The following PID1 variants were observed in gnomAD, a reference collection of about 807,000 sequenced individuals.
PID1 encodes PTB-containing, cubilin and LRP1-interacting protein.
In PID1, 10 loss-of-function variants were observed where a neutral mutation model predicts 19.1. The ratio of observed to expected loss-of-function variants is 0.52; its 90% CI spans 0.32 to 0.89. PID1 has a LOEUF of 0.89. PID1 is among the 40% of genes least tolerant of loss of function. The probability of loss-of-function intolerance (pLI) is 0.03; values close to 1 mark genes in which losing one functional copy is unlikely to be tolerated. For synonymous variants in PID1, 130 were observed against 116.0 expected (o/e 1.12, Z -0.78); for missense variants, 248 against 285.3 (o/e 0.87, Z 0.94).
At chr2:229,270,903 T>C in intron 1 of PID1, 111 bp downstream of exon 1, 1 of 951,438 alleles carries the variant, frequency 1.1e-6, no homozygotes, top group Middle Eastern at 2.3e-4. Flanking sequence ...CGATGCGTCT[T>C]ACAAGATGGT....
At chr2:229,082,421 AAG>A (rs1365039711) in intron 2 of PID1, among the ~76,000 whole-genome samples, 2 of 152,270 alleles carry the variant, frequency 1.3e-5, no homozygotes, top group Non-Finnish European at 2.9e-5. Flanking sequence ...CACACAGTGA[AAG>A]AGAGTTGCCA....
In PID1 at chr2:229,051,746, G is replaced by C. The variant is rs143971473; in HGVS notation, c.178-25638C>G. Among the ~76,000 whole-genome samples, 1,273 of 152,308 alleles carry C rather than the reference G, an allele frequency of 8.4e-3. 63 individuals are homozygous for C. The highest frequency in any genetic ancestry group is 0.079 in the Admixed American group (1,201 of 15,282). ...ATGAGGTAACATGCATAAAAAGTCA[G>C]CATCACGTCTGCCTCATTGTAAAGT... On this transcript the variant is annotated intron_variant, in intron 2 of 2. Coordinates refer to ENST00000392055, the MANE Select transcript of PID1 (RefSeq NM_001100818.2).
Position 229,058,232 on chromosome 2 carries a change from C to T in PID1, c.178-32124G>A, listed in dbSNP as rs146954774. ...CTGCTCAGAAAAATCAATAAAAACA[C>T]AACCAGCAGTTTTACTGACAGCTTT... On this transcript the variant is annotated intron_variant, in intron 2 of 2. Coordinates refer to ENST00000392055, the MANE Select transcript of PID1 (RefSeq NM_001100818.2). 4.1e-3 allele frequency among the ~76,000 whole-genome samples: 628 copies of T among 152,324 alleles called. 2 individuals are homozygous for T. Among genetic ancestry groups the T allele is most frequent in the Non-Finnish European group, 7.0e-3 (474 of 68,032 alleles).
intron 2 of PID1, among the ~76,000 whole-genome samples, chr2:229,136,132 G>A (rs1012317954): frequency 1.3e-5 from 2 of 152,166 alleles, no homozygotes; most frequent in Non-Finnish European, 2.9e-5. Context: ...CACGTTTTGA[G>A]TTGCTCCAGG....
chr2:229,222,489 T>C (rs1039199831), intron 1 of PID1, among the ~76,000 whole-genome samples: 1 of 152,204 alleles, frequency 6.6e-6, no homozygotes, highest in African/African-American at 2.4e-5. Flanking sequence ...ACACAGACTG[T>C]AAGAGTTAAT....
At chr2:229,263,914 C>T (rs1227008) in intron 1 of PID1, among the ~76,000 whole-genome samples, 36,125 of 152,016 alleles carry the variant, frequency 0.24, 5,487 homozygotes, top group East Asian at 0.67. Context: ...AAGGTGGCTG[C>T]TATTGTTATT....
chr2:229,154,765 T>C lies in PID1; in HGVS notation c.177+1053A>G, dbSNP rs186167734. ...TACAAAGCTATGAAAGAAATCCATA[T>C]ACAAAAGCACTTTCCTTGTCTCTGA... is the stretch of plus-strand genomic sequence containing the variant. On this transcript the variant is annotated intron_variant, in intron 2 of 2. Coordinates refer to ENST00000392055, the MANE Select transcript of PID1 (RefSeq NM_001100818.2). Among the ~76,000 whole-genome samples the C allele has an allele frequency of 1.1e-4, 16 of 152,326 alleles. 1 individual carries two copies. Among genetic ancestry groups the C allele is most frequent in the Admixed American group, 6.5e-5 (1 of 15,308 alleles).
At chr2:229,197,451 T>C (rs114527513) in intron 1 of PID1, among the ~76,000 whole-genome samples, 2,648 of 152,116 alleles carry the variant, frequency 0.017, 68 homozygotes, top group African/African-American at 0.059. Flanking sequence ...AAAGAGAAGA[T>C]ACATTATACA....
At chr2:229,143,475 G>C (rs1219738689) in intron 2 of PID1, among the ~76,000 whole-genome samples, 2 of 152,090 alleles carry the variant, frequency 1.3e-5, no homozygotes, top group Non-Finnish European at 2.9e-5. Flanking sequence ...GAACTGTTAA[G>C]AAACAAGAGT....
chr2:229,164,724 G>A (rs2106204098), intron 1 of PID1, among the ~76,000 whole-genome samples: 1 of 152,252 alleles, frequency 6.6e-6, no homozygotes, highest in African/African-American at 2.4e-5. Context: ...AAACAAATGA[G>A]GTAAGATGTA....
intron 2 of PID1, among the ~76,000 whole-genome samples, chr2:229,135,857 C>A (rs531102584): frequency 6.6e-6 from 1 of 152,188 alleles, no homozygotes; most frequent in East Asian, 1.9e-4. Context: ...TCAATTTGTG[C>A]TTGTTGATTA....
intron 2 of PID1, among the ~76,000 whole-genome samples, chr2:229,107,071 A>G (rs144378527): frequency 1.8e-4 from 27 of 152,292 alleles, no homozygotes; most frequent in African/African-American, 6.0e-4. Flanking sequence ...GGAAGGACCT[A>G]TGGGGATGGA....
rs12620520 is a variant in PID1 at position 229,167,721 on chromosome 2, A to G, written c.31-11757T>C. On this transcript the variant is annotated intron_variant, in intron 1 of 2. Transcript: ENST00000392055. ...TAAAATTACAAAATAGTATTTTACC[A>G]ATATTACTTTCCTGGTTTTTATTCT... is the stretch of plus-strand genomic sequence containing the variant. 7.0e-4 allele frequency among the ~76,000 whole-genome samples: 107 copies of G among 152,306 alleles called. 1 individual carries two copies. In the East Asian group the frequency reaches 0.019, roughly 28 times the overall value.
chr2:229,104,021 C>A (rs543175050), intron 2 of PID1, among the ~76,000 whole-genome samples: 1 of 152,178 alleles, frequency 6.6e-6, no homozygotes, highest in African/African-American at 2.4e-5. Context: ...TCTTATTAGG[C>A]TTTTAGGCTT....
intron 2 of PID1, among the ~76,000 whole-genome samples, chr2:229,056,200 G>GT (rs1462842800): frequency 6.6e-6 from 1 of 152,090 alleles, no homozygotes; most frequent in Admixed American, 6.5e-5. Context: ...ATTAACAAGA[G>GT]TATAAAATCC....
intron 2 of PID1, among the ~76,000 whole-genome samples, chr2:229,082,163 A>G (rs1028833917): frequency 6.6e-6 from 1 of 152,214 alleles, no homozygotes; most frequent in Admixed American, 6.5e-5. Context: ...AAGTTTATCA[A>G]TGATTCAGAG....
chr2:229,060,234 A>G (rs1694184419), intron 2 of PID1, among the ~76,000 whole-genome samples: 2 of 152,050 alleles, frequency 1.3e-5, no homozygotes, highest in Admixed American at 1.3e-4. Context: ...CTTCCTGTCT[A>G]ACTAAAATGT....
intron 1 of PID1, chr2:229,231,839 C>A: frequency 1.3e-6 from 2 of 1,536,484 alleles, no homozygotes; most frequent in Non-Finnish European, 1.8e-6. Flanking sequence ...CTTCTTTTAC[C>A]TCCTTGTCTT....
chr2:229,271,032 CG>C lies in PID1; in HGVS notation c.11del (p.Pro4ArgfsTer13). ...CCCTTACCTGCAGGCGCTCCGTGGC[CG>C]GCTGCCACATCTTCCAGCCCTGGGT... MWQPATERLQHFQT... is the reference protein window; with the variant it reads MWQXATERLQHFQT... On this transcript the variant is annotated frameshift_variant, in exon 1 of 3. Transcript: ENST00000392055. LOFTEE classifies it high-confidence loss of function. The C allele has an allele frequency of 6.5e-7, 1 of 1,542,888 alleles. No individual in the cohort carries two copies. Among genetic ancestry groups the C allele is most frequent in the African/African-American group, 1.4e-5 (1 of 72,628 alleles).
Sources: gnomAD v4.1 joint callset for allele counts (sites outside exome capture counted in the v4.1 genomes callset) on GRCh38, gnomAD v4.1.1 for gene constraint, MANE v1.5 for transcripts, NCBI Gene and HGNC (gene_info 2026-07-23, HGNC 2026-07-21) for gene names.